ABCC11: variants seen among roughly 807,000 people sequenced by gnomAD.
ABCC11 encodes the protein ATP-binding cassette sub-family C member 11.
ABCC11 carries 135 observed loss-of-function variants against 149.3 expected under a neutral mutation model. The ratio of observed to expected loss-of-function variants is 0.90; its 90% CI spans 0.79 to 1.04. The LOEUF is 1.04. Among genes scored for constraint, ABCC11 ranks in the 50% least tolerant of loss-of-function variants. The pLI, the probability that ABCC11 is intolerant of heterozygous loss-of-function variation, is 0.00. For missense variants in ABCC11, 1,680 were observed against 1,722.1 expected (o/e 0.98, Z 0.43); for synonymous variants, 665 against 671.4 (o/e 0.99, Z 0.15).
At chr16:48,188,555 C>A (rs1318756122) in intron 20 of ABCC11, among the ~76,000 whole-genome samples, 1 of 152,192 alleles carries the variant, frequency 6.6e-6, no homozygotes, top group Non-Finnish European at 1.5e-5. Flanking sequence ...GGCCATGAGG[C>A]CTTTCGGAGA....
intron 20 of ABCC11, among the ~76,000 whole-genome samples, chr16:48,188,943 T>C (rs1268885651): frequency 6.6e-6 from 1 of 152,274 alleles, no homozygotes; most frequent in African/African-American, 2.4e-5. Context: ...ATGTAATTAT[T>C]TGAGCCATGA....
intron 26 of ABCC11, 48 bp downstream of exon 26, chr16:48,175,210 G>C: frequency 6.3e-7 from 1 of 1,579,474 alleles, no homozygotes; most frequent in Non-Finnish European, 8.7e-7. Context: ...CTGGAATCCT[G>C]GTCCTGTGAC....
intron 4 of ABCC11, among the ~76,000 whole-genome samples, chr16:48,227,331 G>A (rs887001975): frequency 2.6e-5 from 4 of 151,834 alleles, no homozygotes; most frequent in Admixed American, 6.6e-5. Flanking sequence ...AAAATTAGCC[G>A]GACGTGGTGG....
chr16:48,225,384 G>A (rs1038729298), intron 4 of ABCC11, among the ~76,000 whole-genome samples: 9 of 152,172 alleles, frequency 5.9e-5, no homozygotes, highest in Non-Finnish European at 8.8e-5. Context: ...GAACTCTTGA[G>A]CTGCATTTTA....
rs894131318 is a variant in ABCC11 at position 48,186,956 on chromosome 16, C to T, written c.3068G>A (p.Ser1023Asn). 2 of 1,614,120 alleles carry T rather than the reference C, an allele frequency of 1.2e-6. No homozygotes were observed. Among genetic ancestry groups the T allele is most frequent in the Non-Finnish European group, 8.5e-7 (1 of 1,180,008 alleles). Residue 1023 changes from serine to asparagine, a missense_variant, in exon 22 of 30, where the codon AGC becomes AAC. By Grantham distance (46) the Ser-to-Asn change is conservative (BLOSUM62 1). Coordinates refer to ENST00000356608, the MANE Select transcript of ABCC11 (RefSeq NM_001370497.1). ...HVYGKTEDFI[S>N]QFKRLTDAQN... The stretch of plus-strand genomic sequence containing the variant: ...AAATGGCAGCAGAAGGACTCACTGG[C>T]TGATGAAGTCTTCAGTTTTTCCATA...
chr16:48,208,979 T>A (rs1968681035), intron 11 of ABCC11, among the ~76,000 whole-genome samples: 1 of 152,134 alleles, frequency 6.6e-6, no homozygotes, highest in Non-Finnish European at 1.5e-5. Flanking sequence ...CACATTGAGC[T>A]CAGAATATAA....
At chr16:48,184,951 G>A (rs769308585) in intron 22 of ABCC11, among the ~76,000 whole-genome samples, 21 of 152,366 alleles carry the variant, frequency 1.4e-4, no homozygotes, top group Admixed American at 5.9e-4. Context: ...ATGCCAGGAC[G>A]TGTGAGTGAG....
In ABCC11 at chr16:48,175,222, C is replaced by T. The variant is rs1229953390; in HGVS notation, c.3698+36G>A. ...GTGCTGGAATCCTGGTCCTGTGACCCACCTCCTGCAGGCTGCCTGCTGGCC... is the reference window on the plus strand; with the variant it reads ...GTGCTGGAATCCTGGTCCTGTGACCTACCTCCTGCAGGCTGCCTGCTGGCC... On this transcript the variant is annotated intron_variant, in intron 26 of 29. Transcript: ENST00000356608. The T allele has an allele frequency of 3.8e-6, 6 of 1,584,956 alleles. No individual in the cohort carries two copies. In the South Asian group the frequency reaches 5.6e-5, roughly 15 times the overall value.
intron 20 of ABCC11, among the ~76,000 whole-genome samples, 198 bp from the exon 21 acceptor site, chr16:48,187,625 C>T (rs1472564317): frequency 6.6e-6 from 1 of 152,142 alleles, no homozygotes; most frequent in Non-Finnish European, 1.5e-5. Flanking sequence ...TGTCTGACCT[C>T]GGGCAAGTAC....
chr16:48,182,272 A>T (rs1391674938), intron 23 of ABCC11, among the ~76,000 whole-genome samples: 1 of 152,208 alleles, frequency 6.6e-6, no homozygotes, highest in African/African-American at 2.4e-5. Flanking sequence ...ATTCTTGGAC[A>T]TACACGCACA....
intron 20 of ABCC11, 68 bp downstream of exon 20, chr16:48,192,452 A>T: frequency 6.5e-7 from 1 of 1,527,558 alleles, no homozygotes; most frequent in African/African-American, 1.4e-5. Context: ...AAAAAATAAA[A>T]AAATAAAAAT....
chr16:48,182,857 T>C (rs1213778298), intron 23 of ABCC11, among the ~76,000 whole-genome samples: 1 of 151,868 alleles, frequency 6.6e-6, no homozygotes. Context: ...ATTAGCTGTG[T>C]GGCTTTGGAT....
intron 1 of ABCC11, chr16:48,244,493 G>T: frequency 6.3e-7 from 1 of 1,599,124 alleles, no homozygotes; most frequent in Non-Finnish European, 8.5e-7. Context: ...GCGTGGACTC[G>T]GCCCGCAACC....
intron 1 of ABCC11, among the ~76,000 whole-genome samples, chr16:48,241,585 A>T (rs1015442872): frequency 3.9e-5 from 6 of 152,260 alleles, no homozygotes; most frequent in African/African-American, 1.4e-4. Context: ...CGGCATTGCC[A>T]AGACAATCGT....
At chr16:48,207,945 CT>C (rs1193571921) in intron 12 of ABCC11, among the ~76,000 whole-genome samples, 1 of 152,082 alleles carries the variant, frequency 6.6e-6, no homozygotes, top group African/African-American at 2.4e-5. Context: ...CTCCCTGTTT[CT>C]CCCCCCACAT....
intron 1 of ABCC11, chr16:48,244,512 G>T (rs1596883504): frequency 6.3e-7 from 1 of 1,590,678 alleles, no homozygotes; most frequent in Non-Finnish European, 8.5e-7. Context: ...CCTGCAGCTG[G>T]TGCGGAGCCG....
rs745499763 is a variant in ABCC11, at chr16:48,224,327, A to G, written c.498T>C (p.Asp166=). ...LRFQRTRLIF[D]ALLGICFCIA... is the part of the protein sequence containing the mutation. The stretch of plus-strand genomic sequence containing the variant: ...TGCAGAAGCAGATGCCCAGAAGTGC[A>G]TCGAAAATCAACCTTGTTCTCTGGA... Residue 166 remains aspartate (D), a synonymous_variant, in exon 5 of 30, where the codon GAT becomes GAC. Coordinates refer to ENST00000356608, the MANE Select transcript of ABCC11 (RefSeq NM_001370497.1). 3 of 1,614,084 alleles carry G rather than the reference A, an allele frequency of 1.9e-6. No individual in the cohort carries two copies. The highest frequency in any genetic ancestry group is 1.1e-5 in the South Asian group (1 of 91,088).
chr16:48,186,669 T>C (rs1271767153), intron 22 of ABCC11, among the ~76,000 whole-genome samples: 1 of 152,234 alleles, frequency 6.6e-6, no homozygotes. Flanking sequence ...TGCACAGTAA[T>C]GCACCTTATC....
Position 48,166,726 on chromosome 16 carries a change from A to C in ABCC11, c.*548T>G, listed in dbSNP as rs1423560217. On this transcript the variant is annotated 3_prime_UTR_variant, in exon 30 of 30. Transcript: ENST00000356608. The stretch of plus-strand genomic sequence containing the variant: ...CTAAAAATACAAAAATTAGCCAGTC[A>C]TGGTGGCACATGCTTGTAATCCTAG... Among the ~76,000 whole-genome samples, 1 of 152,188 alleles carries C rather than the reference A, an allele frequency of 6.6e-6. No homozygotes were observed. Among genetic ancestry groups the C allele is most frequent in the East Asian group, 1.9e-4 (1 of 5,178 alleles).
Sources: allele counts gnomAD v4.1 joint callset (sites outside exome capture counted in the v4.1 genomes callset), GRCh38; gene constraint gnomAD v4.1.1; transcripts MANE v1.5; gene names NCBI Gene and HGNC (gene_info 2026-07-23, HGNC 2026-07-21).